Variants in BDP1 observed in about 807,000 individuals in gnomAD.
BDP1 encodes the protein BDP1 general transcription factor IIIB subunit.
Under a neutral mutation model 266.6 loss-of-function variants are expected in BDP1, and 169 were observed. That is an observed-to-expected ratio of 0.63 (90% confidence interval 0.56 to 0.72). BDP1 has a LOEUF of 0.72. BDP1 is among the 30% of genes least tolerant of loss of function. BDP1 has a pLI of 0.00. For synonymous variants in BDP1, 1,090 were observed against 1,022.4 expected, an observed-to-expected ratio of 1.07 and a Z score of -1.26; for missense variants, 3,015 against 3,053.8, an observed-to-expected ratio of 0.99 and a Z score of 0.30.
intron 26 of BDP1, among the ~76,000 whole-genome samples, chr5:71,534,826 A>G (rs559093430): frequency 1.6e-4 from 25 of 152,176 alleles, no homozygotes; most frequent in African/African-American, 5.8e-4. Context: ...TTTTTCGTAG[A>G]CACGGGGTTT....
chr5:71,561,927 C>G (rs765576189), intron 37 of BDP1, among the ~76,000 whole-genome samples: 22 of 152,098 alleles, frequency 1.4e-4, no homozygotes, highest in Non-Finnish European at 2.8e-4. Context: ...CCACCTTAGC[C>G]TCCCAAAGCA....
intron 26 of BDP1, 52 bp from the exon 27 acceptor site, chr5:71,538,990 G>T: frequency 8.0e-7 from 1 of 1,248,278 alleles, no homozygotes; most frequent in Non-Finnish European, 1.2e-6. Context: ...CTGAGAAACA[G>T]AACATGTTTG....
At chr5:71,546,068 T>C (rs1742280621) in intron 32 of BDP1, among the ~76,000 whole-genome samples, 1 of 152,046 alleles carries the variant, frequency 6.6e-6, no homozygotes, top group African/African-American at 2.4e-5. Flanking sequence ...TGATTAGAGA[T>C]GAACTTAGAA....
At chr5:71,495,429 G>A in intron 12 of BDP1, 21 bp downstream of exon 12, 1 of 1,494,720 alleles carries the variant, frequency 6.7e-7, no homozygotes, top group Non-Finnish European at 9.1e-7. Context: ...TATACGATAG[G>A]ATTTATTTAT....
chr5:71,550,998 G>A (rs1054015273), intron 34 of BDP1, among the ~76,000 whole-genome samples: 2 of 152,124 alleles, frequency 1.3e-5, no homozygotes, highest in South Asian at 2.1e-4. Flanking sequence ...GAGCCACTGC[G>A]CCTGGACTAG....
At position 71,524,174 on chromosome 5, in the gene BDP1, G is replaced by T; in HGVS notation, c.5623G>T (p.Asp1875Tyr). The T allele has an allele frequency of 6.2e-7, 1 of 1,614,090 alleles. No individual in the cohort carries two copies. The highest frequency in any genetic ancestry group is 8.5e-7 in the Non-Finnish European group (1 of 1,180,044). The part of the protein sequence containing the change: ...LVTLRASQEE[D>Y]DDADDFESDY... ...GACTCTTCGGGCTTCCCAGGAAGAA[G>T]ATGATGATGCTGACGATTTTGAGTC... The change falls in exon 25 of 39, where the codon GAT (aspartate) becomes TAT (tyrosine). Residue 1875 changes from aspartate (D) to tyrosine (Y), a missense_variant. Transcript: ENST00000358731.
intron 20 of BDP1, 64 bp downstream of exon 20, chr5:71,515,186 T>A: frequency 3.2e-6 from 4 of 1,244,996 alleles, no homozygotes; most frequent in Non-Finnish European, 4.3e-6. Context: ...TATTTCTAAT[T>A]TTTATTGAGA....
In BDP1 at chr5:71,559,934, T is replaced by C. The variant is rs1431808665; in HGVS notation, c.7241-48T>C. On this transcript the variant is annotated intron_variant, in intron 36 of 38. Coordinates refer to ENST00000358731, the MANE Select transcript of BDP1 (RefSeq NM_018429.3). ...TTTCAAATGCTGGGATTACATGGAG[T>C]GTATTAACTTCAGTATCCTTGCTTT... is the stretch of plus-strand genomic sequence containing the variant. The C allele has an allele frequency of 2.5e-6, 4 of 1,579,814 alleles. No homozygotes were observed. In the South Asian group the frequency reaches 4.6e-5, roughly 18 times the overall value.
At chr5:71,529,968 T>C (rs1766131427) in intron 25 of BDP1, among the ~76,000 whole-genome samples, 2 of 152,360 alleles carry the variant, frequency 1.3e-5, no homozygotes, top group East Asian at 1.9e-4. Context: ...GTGACAAAAA[T>C]GTTCCACATT....
chr5:71,521,488 T>C (rs1260504731), intron 22 of BDP1, among the ~76,000 whole-genome samples: 3 of 151,808 alleles, frequency 2.0e-5, no homozygotes, highest in Non-Finnish European at 4.4e-5. Context: ...GATGGGGTTT[T>C]TCCATGTTGG....
intron 23 of BDP1, 60 bp from the exon 24 acceptor site, chr5:71,522,696 C>T: frequency 6.7e-7 from 1 of 1,491,248 alleles, no homozygotes. Flanking sequence ...AACTACCAAA[C>T]CAAATTAACA....
chr5:71,553,381 A>C lies in BDP1; in HGVS notation c.7200+61A>C, dbSNP rs548964643. The stretch of plus-strand genomic sequence containing the variant: ...TTAAGTAAGATGGCCATATTGCAAC[A>C]GATCTGTTCCTATTTTTTCCTTTAT... On this transcript the variant is annotated intron_variant, in intron 35 of 38. Transcript: ENST00000358731. 23 of 1,149,708 alleles carry C rather than the reference A, an allele frequency of 2.0e-5. No individual in the cohort carries two copies. The East Asian group carries it at 5.5e-4, about 27-fold the overall frequency. The allele number at this position is 1,149,708 out of a possible 1,614,324, so 71.2% of individuals were successfully genotyped here. A position where few individuals can be genotyped will look rare whatever the true frequency, so the allele number is the denominator to read the frequency against.
chr5:71,576,956 G>A, the BDP1 span, among the ~76,000 whole-genome samples: 118 of 152,254 alleles, frequency 7.8e-4, no homozygotes, highest in Non-Finnish European at 1.1e-3. Context: ...CAGTCTTAAT[G>A]TTACATTTGT....
intron 20 of BDP1, among the ~76,000 whole-genome samples, chr5:71,515,685 T>A (rs1238556346): frequency 6.6e-6 from 1 of 152,184 alleles, no homozygotes; most frequent in Non-Finnish European, 1.5e-5. Flanking sequence ...TACAGTGGCA[T>A]TAAGTGTATT....
chr5:71,576,564 A>G, the BDP1 span, among the ~76,000 whole-genome samples: 1 of 152,216 alleles, frequency 6.6e-6, no homozygotes. Context: ...ATTCCCTTCA[A>G]TAGTTCCTAC....
At chr5:71,528,071 T>C (rs1766022752) in intron 25 of BDP1, among the ~76,000 whole-genome samples, 1 of 152,190 alleles carries the variant, frequency 6.6e-6, no homozygotes, top group African/African-American at 2.4e-5. Context: ...TCCATCTGCC[T>C]GGGCCTCCCA....
At chr5:71,482,852 G>A (rs1409624269) in intron 7 of BDP1, among the ~76,000 whole-genome samples, 2 of 152,120 alleles carry the variant, frequency 1.3e-5, no homozygotes, top group African/African-American at 4.8e-5. Flanking sequence ...TTGATAATAA[G>A]TTTTGTGAAG....
chr5:71,507,358 C>T (rs1764639673), intron 16 of BDP1, among the ~76,000 whole-genome samples: 1 of 152,080 alleles, frequency 6.6e-6, no homozygotes, highest in South Asian at 2.1e-4. Context: ...CAGATACTGC[C>T]CTTCAGTTAA....
chr5:71,529,907 A>AG (rs1033869262), intron 25 of BDP1, among the ~76,000 whole-genome samples: 1 of 152,172 alleles, frequency 6.6e-6, no homozygotes, highest in African/African-American at 2.4e-5. Context: ...CAGATGGGGA[A>AG]GAGAGGGGTT....
Sources: gnomAD v4.1 joint callset for allele counts (sites outside exome capture counted in the v4.1 genomes callset) on GRCh38, gnomAD v4.1.1 for gene constraint, MANE v1.5 for transcripts, NCBI Gene and HGNC (gene_info 2026-07-23, HGNC 2026-07-21) for gene names.